The following MFSD11 variants were observed in gnomAD, a reference collection of about 807,000 sequenced individuals.
MFSD11 encodes the protein UNC93-like protein MFSD11.
Under a neutral mutation model 53.5 loss-of-function variants are expected in MFSD11, and 36 were observed. That is an observed-to-expected ratio of 0.67 (90% CI 0.52 to 0.89). MFSD11 has a LOEUF of 0.89. Among genes scored for constraint, MFSD11 ranks in the 40% least tolerant of loss-of-function variants. The pLI is 0.00. For missense variants in MFSD11, 530 were observed against 543.9 expected (o/e 0.97, Z 0.25); for synonymous variants, 186 against 184.9 (o/e 1.01, Z -0.05).
intron 9 of MFSD11, among the ~76,000 whole-genome samples, chr17:76,768,421 A>C (rs2081071126): frequency 6.6e-6 from 1 of 152,112 alleles, no homozygotes; most frequent in African/African-American, 2.4e-5. Context: ...TTTTCTTTTA[A>C]AAAATGCTGT....
At chr17:76,771,417 A>G (rs955683498) in intron 10 of MFSD11, among the ~76,000 whole-genome samples, 5 of 152,272 alleles carry the variant, frequency 3.3e-5, no homozygotes, top group African/African-American at 9.6e-5. Flanking sequence ...AGTATATTGA[A>G]TATTGTGTTA....
At chr17:76,801,002 G>A in the MFSD11 span, among the ~76,000 whole-genome samples, 240 of 151,930 alleles carry the variant, frequency 1.6e-3, 2 homozygotes, top group African/African-American at 5.5e-3. Flanking sequence ...GCTTGAACCT[G>A]AGAGGCAGAG....
At chr17:76,801,387 G>A in the MFSD11 span, among the ~76,000 whole-genome samples, 1 of 127,722 alleles carries the variant, frequency 7.8e-6, no homozygotes, top group African/African-American at 2.9e-5. Flanking sequence ...AAAAAAAAAA[G>A]GAAAAGAAAA....
chr17:76,793,826 G>T, the MFSD11 span, among the ~76,000 whole-genome samples: 2 of 151,450 alleles, frequency 1.3e-5, no homozygotes, highest in Non-Finnish European at 1.5e-5. Flanking sequence ...TCCATTCGGG[G>T]TCCCTGACTT....
the MFSD11 span, among the ~76,000 whole-genome samples, chr17:76,788,373 G>A: frequency 2.0e-5 from 3 of 148,060 alleles, 1 homozygote; most frequent in Non-Finnish European, 4.5e-5. Context: ...TTGTTGTTTT[G>A]TTGTTGTTTT....
chr17:76,736,686 AC>A (rs561929258), upstream of MFSD11: 1 of 1,240,682 alleles, frequency 8.1e-7, no homozygotes, highest in Non-Finnish European at 1.0e-6. Context: ...CGCGGCGTGC[AC>A]CCCCGCCCCG....
At chr17:76,754,561 G>A (rs759455929) in intron 8 of MFSD11, among the ~76,000 whole-genome samples, 18 of 151,786 alleles carry the variant, frequency 1.2e-4, no homozygotes, top group Non-Finnish European at 2.1e-4. Context: ...GCATGCACCT[G>A]TAGTCCCAGC....
At chr17:76,779,729 C>A (rs2082109527), downstream of MFSD11, among the ~76,000 whole-genome samples, 1 of 152,176 alleles carries the variant, frequency 6.6e-6, no homozygotes, top group African/African-American at 2.4e-5. Flanking sequence ...AGGTGATTCA[C>A]CTGCCTCGGC....
At chr17:76,761,181 G>A (rs2080198225) in intron 8 of MFSD11, among the ~76,000 whole-genome samples, 1 of 152,026 alleles carries the variant, frequency 6.6e-6, no homozygotes, top group African/African-American at 2.4e-5. Flanking sequence ...CTGCAGCCTG[G>A]GTGACAAGAG....
chr17:76,794,599 G>A, the MFSD11 span, among the ~76,000 whole-genome samples: 8 of 120,962 alleles, frequency 6.6e-5, no homozygotes, highest in Non-Finnish European at 1.3e-4. Flanking sequence ...CCAAGATCAT[G>A]CCATTGCACT....
rs75631172 is a variant in MFSD11, at chr17:76,773,521, T to C, written c.875-1476T>C. On this transcript the variant is annotated intron_variant, in intron 10 of 12. Coordinates refer to ENST00000685175, the MANE Select transcript of MFSD11 (RefSeq NM_001242532.5). Reference sequence around the variant, plus strand: ...TGTGTGTATTTACCCTCTTTATATCTTCTTTGGTGACGTGTATGTGCATAT... The same window carrying C: ...TGTGTGTATTTACCCTCTTTATATCCTCTTTGGTGACGTGTATGTGCATAT... Among the ~76,000 whole-genome samples the C allele has an allele frequency of 2.0e-3, 298 of 152,366 alleles. 9 individuals carry two copies. The East Asian group carries it at 0.049, about 25-fold the overall frequency.
chr17:76,796,300 G>A, the MFSD11 span, among the ~76,000 whole-genome samples: 2 of 152,108 alleles, frequency 1.3e-5, no homozygotes, highest in Admixed American at 6.6e-5. Context: ...TGACTTTAGT[G>A]AAGTTCCCAC....
At chr17:76,777,265 C>A (rs1385154204) in intron 12 of MFSD11, among the ~76,000 whole-genome samples, 1 of 135,048 alleles carries the variant, frequency 7.4e-6, no homozygotes, top group East Asian at 2.2e-4. Context: ...GAGACTCCGT[C>A]TCAAAAAAAA....
At chr17:76,751,736 T>G (rs751264327) in intron 7 of MFSD11, among the ~76,000 whole-genome samples, 1 of 151,408 alleles carries the variant, frequency 6.6e-6, no homozygotes. Flanking sequence ...TCTTTAAAAA[T>G]TAAGGAAAAA....
chr17:76,744,373 G>C lies in MFSD11; in HGVS notation c.548G>C (p.Gly183Ala), dbSNP rs1281744903. 6.2e-7 allele frequency: 1 copy of C among 1,613,894 alleles called. No individual in the cohort carries two copies. The highest frequency in any genetic ancestry group is 1.3e-5 in the African/African-American group (1 of 74,902). The change falls in exon 7 of 13, where the codon GGG becomes GCG. Residue 183 changes from glycine (G) to alanine (A), a missense_variant. Coordinates refer to ENST00000685175, the MANE Select transcript of MFSD11 (RefSeq NM_001242532.5). Reference protein sequence around the residue: ...FIALTVISLVGTVLFFLIRKP... With the variant: ...FIALTVISLVATVLFFLIRKP... Reference sequence around the variant, plus strand: ...GCCCTAACGGTGATTAGCCTTGTGGGGACAGTTCTATTCTTTCTCATTCGG... The same window carrying C: ...GCCCTAACGGTGATTAGCCTTGTGGCGACAGTTCTATTCTTTCTCATTCGG...
At chr17:76,770,037 T>C (rs1219896328) in intron 10 of MFSD11, among the ~76,000 whole-genome samples, 166 bp downstream of exon 10, 3 of 147,908 alleles carry the variant, frequency 2.0e-5, no homozygotes, top group East Asian at 4.4e-4. Flanking sequence ...TTTTCTTTTT[T>C]TTTTTTTTTT....
intron 10 of MFSD11, chr17:76,773,253 A>G (rs943854194): frequency 1.3e-5 from 2 of 152,180 alleles, no homozygotes; most frequent in Admixed American, 6.5e-5. Context: ...TCTTCAATCC[A>G]TGGGGGCTGC....
intron 8 of MFSD11, among the ~76,000 whole-genome samples, chr17:76,762,714 G>C (rs566036146): frequency 1.3e-5 from 2 of 150,040 alleles, no homozygotes; most frequent in African/African-American, 4.9e-5. Context: ...CATTTATTCA[G>C]TAAATATTAA....
At chr17:76,755,816 T>A (rs376435086) in intron 8 of MFSD11, among the ~76,000 whole-genome samples, 348 of 11,050 alleles carry the variant, frequency 0.031, no homozygotes, top group Middle Eastern at 0.17. Flanking sequence ...ATATATATTT[T>A]TTTTTTTTTT....
Sources: allele counts gnomAD v4.1 joint callset (sites outside exome capture counted in the v4.1 genomes callset), GRCh38; gene constraint gnomAD v4.1.1; transcripts MANE v1.5; gene names NCBI Gene and HGNC (gene_info 2026-07-23, HGNC 2026-07-21).